The following MSR1 variants were observed in gnomAD, a reference collection of about 807,000 sequenced individuals.
MSR1 encodes the protein macrophage scavenger receptor 1.
Under a neutral mutation model 47.2 loss-of-function variants are expected in MSR1, and 53 were observed. The ratio of observed to expected loss-of-function variants is 1.12; its 90% CI spans 0.90 to 1.41. The LOEUF (loss-of-function observed/expected upper bound fraction) is 1.41, where lower values mean the gene tolerates loss of function less well. Among genes scored for constraint, MSR1 ranks in the 40% most tolerant of loss-of-function variants. The pLI, the probability that MSR1 is intolerant of heterozygous loss-of-function variation, is 0.00. For missense variants in MSR1, 786 were observed against 546.9 expected, an observed-to-expected ratio of 1.44 and a Z score of -4.36; for synonymous variants, 239 against 185.6, an observed-to-expected ratio of 1.29 and a Z score of -2.34.
rs1799709687 is a variant in MSR1, at chr8:16,109,563, T to C, written c.*522A>G. On this transcript the variant is annotated 3_prime_UTR_variant, in exon 10 of 10. Coordinates refer to ENST00000262101, the MANE Select transcript of MSR1 (RefSeq NM_138715.3). The stretch of plus-strand genomic sequence containing the variant: ...TTAACATTGATATCTAATACACAAG[T>C]TATTGCACATTGAGATATCTTAATA... The C allele has an allele frequency of 6.0e-6, 1 of 165,864 alleles. No individual in the cohort carries two copies. Among genetic ancestry groups the C allele is most frequent in the South Asian group, 1.5e-4 (1 of 6,682 alleles). 10.3% of individuals were successfully genotyped at this position (165,864 alleles called of 1,614,324 possible). A position where few individuals can be genotyped will look rare whatever the true frequency, so the allele number is the denominator to read the frequency against.
chr8:16,137,772 C>T (rs1017118138), intron 8 of MSR1, among the ~76,000 whole-genome samples: 12 of 152,132 alleles, frequency 7.9e-5, no homozygotes, highest in African/African-American at 2.4e-4. Flanking sequence ...GCAGGAGGAT[C>T]GCTTGAGGCC....
intron 7 of MSR1, among the ~76,000 whole-genome samples, chr8:16,148,685 C>G (rs534846052): frequency 1.3e-5 from 2 of 152,096 alleles, no homozygotes; most frequent in Admixed American, 6.5e-5. Flanking sequence ...TCAAGTGATC[C>G]GCCCACCTCA....
chr8:16,131,728 T>C (rs940820331), intron 8 of MSR1, among the ~76,000 whole-genome samples: 6 of 152,110 alleles, frequency 3.9e-5, no homozygotes, highest in African/African-American at 9.7e-5. Flanking sequence ...GCACCATTTA[T>C]TGAAAAGGGA....
intron 5 of MSR1, among the ~76,000 whole-genome samples, chr8:16,157,435 C>T (rs558727231): frequency 1.3e-5 from 2 of 151,736 alleles, no homozygotes; most frequent in Non-Finnish European, 1.5e-5. Context: ...ACCTGGTATT[C>T]GAATCCTACA....
chr8:16,131,557 G>A (rs1160563969), intron 8 of MSR1, among the ~76,000 whole-genome samples: 1 of 147,002 alleles, frequency 6.8e-6, no homozygotes, highest in Admixed American at 7.0e-5. Flanking sequence ...ATCTTTACCA[G>A]GTCCTATGTT....
intron 1 of MSR1, among the ~76,000 whole-genome samples, chr8:16,189,678 C>T (rs1490222598): frequency 7.6e-5 from 3 of 39,734 alleles, no homozygotes; most frequent in Non-Finnish European, 1.1e-4. Context: ...TATATAAAAT[C>T]TTATTTTATA....
intron 9 of MSR1, among the ~76,000 whole-genome samples, chr8:16,118,204 G>A (rs1799921082): frequency 6.6e-6 from 1 of 152,000 alleles, no homozygotes; most frequent in Non-Finnish European, 1.5e-5. Flanking sequence ...GTCAACAAAA[G>A]CACATCTTGA....
intron 8 of MSR1, among the ~76,000 whole-genome samples, chr8:16,125,678 C>T (rs1329646478): frequency 1.3e-5 from 2 of 152,040 alleles, no homozygotes; most frequent in African/African-American, 4.8e-5. Context: ...GAAACAAACT[C>T]CAGGATAAAG....
chr8:16,112,643 ATGAGAT>A (rs1799783661), intron 9 of MSR1, among the ~76,000 whole-genome samples: 24 of 152,138 alleles, frequency 1.6e-4, no homozygotes, highest in Admixed American at 1.5e-3. Flanking sequence ...GTGTAAACCA[ATGAGAT>A]AAAAAACAAA....
intron 1 of MSR1, among the ~76,000 whole-genome samples, chr8:16,188,920 T>C (rs1334186906): frequency 6.7e-6 from 1 of 149,070 alleles, no homozygotes; most frequent in Admixed American, 6.8e-5. Flanking sequence ...CTGAGGGACA[T>C]TTGGGTTGGT....
At chr8:16,156,757 G>C (rs547755087) in intron 5 of MSR1, among the ~76,000 whole-genome samples, 2 of 151,714 alleles carry the variant, frequency 1.3e-5, no homozygotes, top group African/African-American at 4.8e-5. Context: ...AGGGCTTTTA[G>C]AAATTAACTG....
chr8:16,120,221 C>CA (rs563860351), intron 9 of MSR1, among the ~76,000 whole-genome samples, 197 bp downstream of exon 9: 240 of 151,790 alleles, frequency 1.6e-3, no homozygotes, highest in African/African-American at 5.6e-3. Flanking sequence ...ACTAAAAATA[C>CA]AAAAAATGAG....
intron 8 of MSR1, among the ~76,000 whole-genome samples, chr8:16,125,484 A>C (rs1438111973): frequency 1.3e-5 from 2 of 152,162 alleles, no homozygotes; most frequent in Non-Finnish European, 2.9e-5. Context: ...TGATTCATTG[A>C]ATGTTCATTC....
At chr8:16,155,214 G>T (rs1028939049) in intron 5 of MSR1, 70 bp from the exon 6 acceptor site, 40 of 1,115,850 alleles carry the variant, frequency 3.6e-5, no homozygotes, top group Non-Finnish European at 4.9e-5. Context: ...ATCTGTCAAG[G>T]TACTTATATA....
At chr8:16,118,433 C>T (rs1187517467) in intron 9 of MSR1, among the ~76,000 whole-genome samples, 13 of 152,052 alleles carry the variant, frequency 8.5e-5, no homozygotes. Context: ...GATTCTGTTC[C>T]CACAAAACAA....
Position 16,175,310 on chromosome 8 carries a change from CA to C in MSR1, c.104-11del. The C allele has an allele frequency of 6.3e-7, 1 of 1,599,504 alleles. No homozygotes were observed. ...GGGCTGTTTTTAGGATCTAATAAAA[CA>C]AAAAAGCCCAGCCTACTGTTAGAAA... On this transcript the variant is annotated splice_polypyrimidine_tract_variant and intron_variant, in intron 2 of 9. Transcript: ENST00000262101.
At chr8:16,173,718 G>C (rs756665294) in intron 3 of MSR1, among the ~76,000 whole-genome samples, 11 of 151,828 alleles carry the variant, frequency 7.2e-5, no homozygotes, top group Non-Finnish European at 1.5e-4. Context: ...GCGCGATCTC[G>C]GCTCACTGCA....
At chr8:16,139,997 G>C in intron 8 of MSR1, 1 of 574,856 alleles carries the variant, frequency 1.7e-6, no homozygotes, top group Non-Finnish European at 2.2e-6. Context: ...ACATCTCTTA[G>C]GGACAATTAG....
intron 1 of MSR1, among the ~76,000 whole-genome samples, chr8:16,191,852 T>G (rs1802208334): frequency 1.3e-5 from 2 of 152,244 alleles, no homozygotes; most frequent in Admixed American, 6.5e-5. Flanking sequence ...TCAAGATTAA[T>G]CAGATTTCTA....
Sources: allele counts gnomAD v4.1 joint callset (sites outside exome capture counted in the v4.1 genomes callset), GRCh38; gene constraint gnomAD v4.1.1; transcripts MANE v1.5; gene names NCBI Gene and HGNC (gene_info 2026-07-23, HGNC 2026-07-21).